The following RPS6KC1 variants were observed in gnomAD, a reference collection of about 807,000 sequenced individuals.
RPS6KC1 encodes inactive ribosomal protein S6 kinase delta-1.
Under a neutral mutation model 103.8 loss-of-function variants are expected in RPS6KC1, and 54 were observed. That is an observed-to-expected ratio of 0.52 (90% confidence interval 0.42 to 0.65). The LOEUF (loss-of-function observed/expected upper bound fraction) is 0.65. Among genes scored for constraint, RPS6KC1 ranks in the 30% least tolerant of loss-of-function variants. RPS6KC1 has a pLI of 0.00. For missense variants in RPS6KC1, 1,151 were observed against 1,253.8 expected, an observed-to-expected ratio of 0.92 and a Z score of 1.24; for synonymous variants, 439 against 438.7, an observed-to-expected ratio of 1.00 and a Z score of -0.01.
the RPS6KC1 span, among the ~76,000 whole-genome samples, chr1:213,686,672 G>A: frequency 4.6e-5 from 7 of 152,256 alleles, no homozygotes; most frequent in South Asian, 1.5e-3. Context: ...TTACCTGAAA[G>A]GGGTCCTGAT....
chr1:213,063,001 C>T (rs768337565), intron 1 of RPS6KC1, among the ~76,000 whole-genome samples: 2 of 152,210 alleles, frequency 1.3e-5, no homozygotes, highest in African/African-American at 2.4e-5. Flanking sequence ...GGCCAAGCCT[C>T]ACAGTCTGAT....
the RPS6KC1 span, among the ~76,000 whole-genome samples, chr1:213,598,737 A>T: frequency 1.3e-5 from 2 of 151,944 alleles, no homozygotes; most frequent in African/African-American, 4.8e-5. Context: ...GGCCAACATG[A>T]TGAAACCCCG....
At chr1:213,315,851 C>T in the RPS6KC1 span, among the ~76,000 whole-genome samples, 3 of 152,222 alleles carry the variant, frequency 2.0e-5, no homozygotes, top group African/African-American at 7.2e-5. Context: ...AAACTCTATT[C>T]CTGGTTTGTA....
At chr1:213,672,192 G>T in the RPS6KC1 span, among the ~76,000 whole-genome samples, 2 of 151,972 alleles carry the variant, frequency 1.3e-5, no homozygotes, top group African/African-American at 4.8e-5. Flanking sequence ...CCTTCCTTTC[G>T]GCCTGGGAAC....
the RPS6KC1 span, among the ~76,000 whole-genome samples, chr1:213,374,665 C>T: frequency 2.6e-5 from 4 of 152,214 alleles, no homozygotes; most frequent in African/African-American, 9.6e-5. Context: ...GATCACACCA[C>T]GTGGAAAGGT....
At chr1:213,104,397 T>A in intron 3 of RPS6KC1, 57 bp from the exon 4 acceptor site, 1 of 1,160,222 alleles carries the variant, frequency 8.6e-7, no homozygotes, top group Non-Finnish European at 1.3e-6. Flanking sequence ...ACGTAAACTA[T>A]CATAAACCAG....
the RPS6KC1 span, among the ~76,000 whole-genome samples, chr1:213,538,934 G>A: frequency 6.6e-6 from 1 of 152,194 alleles, no homozygotes; most frequent in Non-Finnish European, 1.5e-5. Context: ...TATACCACAA[G>A]TCTTTGATGG....
chr1:213,176,607 T>C (rs746433066), intron 8 of RPS6KC1, 115 bp downstream of exon 8: 1 of 625,198 alleles, frequency 1.6e-6, no homozygotes, highest in South Asian at 2.8e-5. Context: ...ATGACTCAAA[T>C]GCATGTGCAC....
chr1:213,649,721 C>T, the RPS6KC1 span, among the ~76,000 whole-genome samples: 20 of 152,094 alleles, frequency 1.3e-4, no homozygotes, highest in Admixed American at 9.8e-4. Context: ...GTAAGCTCCT[C>T]GAGAGCTAGG....
At chr1:213,181,382 A>T (rs917609378) in intron 8 of RPS6KC1, among the ~76,000 whole-genome samples, 1 of 152,252 alleles carries the variant, frequency 6.6e-6, no homozygotes, top group Non-Finnish European at 1.5e-5. Context: ...TTTGTAATCA[A>T]GATAGCTTCC....
intron 6 of RPS6KC1, 90 bp from the exon 7 acceptor site, chr1:213,167,768 G>A: frequency 1.6e-6 from 1 of 607,128 alleles, no homozygotes; most frequent in South Asian, 3.0e-5. Context: ...TTAGAAATGT[G>A]AACAAGCAGT....
the RPS6KC1 span, among the ~76,000 whole-genome samples, chr1:213,285,777 TG>T: frequency 6.6e-6 from 1 of 152,102 alleles, no homozygotes; most frequent in African/African-American, 2.4e-5. Flanking sequence ...TGTGGGGCTT[TG>T]GGGGAAGTAA....
the RPS6KC1 span, among the ~76,000 whole-genome samples, chr1:213,854,130 A>G: frequency 6.6e-6 from 1 of 152,224 alleles, no homozygotes; most frequent in South Asian, 2.1e-4. Flanking sequence ...TCTCTGCAGG[A>G]TAGGACCTCG....
chr1:213,642,544 T>A, the RPS6KC1 span, among the ~76,000 whole-genome samples: 1 of 152,144 alleles, frequency 6.6e-6, no homozygotes, highest in African/African-American at 2.4e-5. Flanking sequence ...ATTGTTTGCT[T>A]TTTTTCTTAT....
chr1:213,547,188 G>A, the RPS6KC1 span, among the ~76,000 whole-genome samples: 1 of 152,152 alleles, frequency 6.6e-6, no homozygotes, highest in South Asian at 2.1e-4. Flanking sequence ...CATGATTTAT[G>A]ACTGTTGATG....
At chr1:213,827,536 C>T in the RPS6KC1 span, among the ~76,000 whole-genome samples, 1 of 152,058 alleles carries the variant, frequency 6.6e-6, no homozygotes, top group East Asian at 1.9e-4. Flanking sequence ...TGTGATTTTC[C>T]AACTTCAGTT....
At chr1:213,478,969 A>T in the RPS6KC1 span, among the ~76,000 whole-genome samples, 1 of 152,078 alleles carries the variant, frequency 6.6e-6, no homozygotes, top group East Asian at 1.9e-4. Flanking sequence ...TATATTTTGT[A>T]ATCACTAATA....
At chr1:213,847,726 C>T in the RPS6KC1 span, among the ~76,000 whole-genome samples, 1 of 152,086 alleles carries the variant, frequency 6.6e-6, no homozygotes, top group Non-Finnish European at 1.5e-5. Flanking sequence ...TATGGTACCC[C>T]CTACTTTCCT....
At chr1:213,439,146 T>G in the RPS6KC1 span, among the ~76,000 whole-genome samples, 1 of 152,158 alleles carries the variant, frequency 6.6e-6, no homozygotes, top group East Asian at 1.9e-4. Context: ...AATTCCAACT[T>G]TTGTATTCCC....
Sources: allele counts gnomAD v4.1 joint callset (sites outside exome capture counted in the v4.1 genomes callset), GRCh38; gene constraint gnomAD v4.1.1; transcripts MANE v1.5; gene names NCBI Gene and HGNC (gene_info 2026-07-23, HGNC 2026-07-21).